Variants in DNAH3 observed in about 807,000 individuals in gnomAD.
DNAH3 encodes the protein dynein axonemal heavy chain 3, also known as axonemal beta dynein heavy chain 3.
A neutral mutation model predicts 432.5 loss-of-function variants in DNAH3; 332 were observed. The ratio of observed to expected loss-of-function variants is 0.77; its 90% CI spans 0.70 to 0.84. The LOEUF is 0.84. DNAH3 is among the 40% of genes least tolerant of loss of function. The pLI, the probability that DNAH3 is intolerant of heterozygous loss-of-function variation, is 0.00. For synonymous variants in DNAH3, 1,956 were observed against 1,900.2 expected, an observed-to-expected ratio of 1.03 and a Z score of -0.76; for missense variants, 4,861 against 5,114.0, an observed-to-expected ratio of 0.95 and a Z score of 1.51.
At chr16:21,053,210 A>C (rs1424909310) in intron 28 of DNAH3, among the ~76,000 whole-genome samples, 1 of 152,164 alleles carries the variant, frequency 6.6e-6, no homozygotes, top group Admixed American at 6.5e-5. Context: ...CAGTAAAATA[A>C]AAAACCCTGC....
chr16:21,099,376 T>C (rs775040074), intron 16 of DNAH3, among the ~76,000 whole-genome samples: 1 of 152,154 alleles, frequency 6.6e-6, no homozygotes, highest in Non-Finnish European at 1.5e-5. Context: ...ATAAATGCTC[T>C]GAAGAAAATA....
intron 52 of DNAH3, among the ~76,000 whole-genome samples, chr16:20,968,495 A>C (rs1055632052): frequency 6.6e-6 from 1 of 152,326 alleles, no homozygotes; most frequent in Non-Finnish European, 1.5e-5. Context: ...GTTCAGCTCT[A>C]AGGCACTGGT....
intron 6 of DNAH3, among the ~76,000 whole-genome samples, chr16:21,134,711 C>T (rs1372449351): frequency 2.6e-5 from 4 of 151,880 alleles, no homozygotes; most frequent in Non-Finnish European, 4.4e-5. Context: ...GATGGAGTCT[C>T]GCTCTGTCGC....
chr16:21,083,554 G>C (rs998609304), intron 19 of DNAH3, among the ~76,000 whole-genome samples: 3 of 152,150 alleles, frequency 2.0e-5, no homozygotes, highest in Admixed American at 1.3e-4. Context: ...CAACCCCTTT[G>C]CTGTTATCTA....
At chr16:21,042,126 G>A (rs1163147878) in exon 32 of DNAH3, 6 of 1,613,634 alleles carry the variant, frequency 3.7e-6, no homozygotes, top group African/African-American at 2.7e-5. Context: ...TCCCTTCAAA[G>A]ATGAATGTCT....
At chr16:20,983,737 G>A (rs941203798) in intron 48 of DNAH3, among the ~76,000 whole-genome samples, 1 of 152,034 alleles carries the variant, frequency 6.6e-6, no homozygotes, top group African/African-American at 2.4e-5. Flanking sequence ...CAGAGGCCTG[G>A]CACAGTGGCT....
chr16:21,000,902 G>A (rs2086985673), intron 42 of DNAH3, among the ~76,000 whole-genome samples: 2 of 152,146 alleles, frequency 1.3e-5, no homozygotes, highest in Non-Finnish European at 2.9e-5. Context: ...CTACTGAATG[G>A]TCATATTATA....
chr16:21,039,214 C>CTTTT (rs200708542), intron 33 of DNAH3, among the ~76,000 whole-genome samples: 1,307 of 125,414 alleles, frequency 0.01, 66 homozygotes, highest in African/African-American at 0.029. Context: ...TATAGTGTTG[C>CTTTT]TTTTTTTTTT....
intron 1 of DNAH3, among the ~76,000 whole-genome samples, chr16:21,152,590 T>C (rs1432807977): frequency 6.6e-6 from 1 of 152,198 alleles, no homozygotes; most frequent in African/African-American, 2.4e-5. Context: ...TGCAGGCAGG[T>C]GTGGAGGGAG....
intron 58 of DNAH3, among the ~76,000 whole-genome samples, chr16:20,942,765 G>C (rs934624485): frequency 6.6e-6 from 1 of 152,148 alleles, no homozygotes; most frequent in Non-Finnish European, 1.5e-5. Context: ...AGACTTAGGA[G>C]GGTGGCCTGG....
intron 5 of DNAH3, among the ~76,000 whole-genome samples, chr16:21,138,535 G>C (rs1243908979): frequency 6.6e-6 from 1 of 151,972 alleles, no homozygotes; most frequent in Non-Finnish European, 1.5e-5. Context: ...AGACTGGCTG[G>C]GTGCGGTGGC....
intron 20 of DNAH3, among the ~76,000 whole-genome samples, chr16:21,075,914 CAAAAAAAAAAAAA>C (rs34186982): frequency 5.7e-5 from 3 of 52,684 alleles, no homozygotes; most frequent in African/African-American, 8.1e-5. Flanking sequence ...AACCCTGTCT[CAAAAAAAAAAAAA>C]AAAAAAAAAA....
intron 48 of DNAH3, 121 bp from the exon 49 acceptor site, chr16:20,983,007 A>G (rs1478607654): frequency 1.9e-6 from 2 of 1,048,906 alleles, no homozygotes; most frequent in Non-Finnish European, 2.9e-6. Flanking sequence ...CTGGCGCTCC[A>G]GGGATGTGAC....
At chr16:20,967,587 C>T (rs2085122310) in intron 52 of DNAH3, among the ~76,000 whole-genome samples, 1 of 133,870 alleles carries the variant, frequency 7.5e-6, no homozygotes, top group Non-Finnish European at 1.5e-5. Context: ...ACTGCAACTT[C>T]TGCCTCCCGG....
intron 21 of DNAH3, among the ~76,000 whole-genome samples, chr16:21,075,165 T>C (rs534377890): frequency 6.6e-6 from 1 of 152,288 alleles, no homozygotes; most frequent in East Asian, 1.9e-4. Context: ...AGCCTGCACC[T>C]TCACTGGGAG....
At chr16:21,127,848 G>C (rs1411111171) in intron 7 of DNAH3, 36 bp from the exon 9 acceptor site, 2 of 1,612,780 alleles carry the variant, frequency 1.2e-6, no homozygotes, top group South Asian at 1.1e-5. Context: ...CTAAGCTAAA[G>C]AACGCTTAAT....
At chr16:21,088,256 T>C (rs1235598973) in intron 18 of DNAH3, among the ~76,000 whole-genome samples, 1 of 152,166 alleles carries the variant, frequency 6.6e-6, no homozygotes, top group African/African-American at 2.4e-5. Flanking sequence ...TGGGCTAGAA[T>C]AGAAAGGCAC....
At chr16:21,019,749 G>T (rs758642151) in exon 41 of DNAH3, 2 of 1,614,148 alleles carry the variant, frequency 1.2e-6, no homozygotes, top group Non-Finnish European at 1.7e-6. Flanking sequence ...TGCGTTGATG[G>T]TGCCAGCCAC....
At chr16:21,083,843 C>T (rs1230959024) in intron 19 of DNAH3, among the ~76,000 whole-genome samples, 2 of 152,216 alleles carry the variant, frequency 1.3e-5, no homozygotes, top group African/African-American at 4.8e-5. Context: ...GAGGAATGGG[C>T]TCTGCCTAGG....
Sources: gnomAD v4.1 joint callset for allele counts (sites outside exome capture counted in the v4.1 genomes callset) on GRCh38, gnomAD v4.1.1 for gene constraint, MANE v1.5 for transcripts, NCBI Gene and HGNC (gene_info 2026-07-23, HGNC 2026-07-21) for gene names.